DNAH12: variants seen among roughly 807,000 people sequenced by gnomAD.
DNAH12 encodes the protein dynein axonemal heavy chain 12, also known as axonemal beta dynein heavy chain 12.
In DNAH12, 285 loss-of-function variants were observed where a neutral mutation model predicts 371.5. The observed-to-expected ratio is 0.77, with a 90% confidence interval of 0.70 to 0.85. The LOEUF (loss-of-function observed/expected upper bound fraction) is 0.85, where lower values mean the gene tolerates loss of function less well. DNAH12 is among the 40% of genes least tolerant of loss of function. The pLI is 0.00. For synonymous variants in DNAH12, 1,200 were observed against 1,213.0 expected (o/e 0.99, Z 0.22); for missense variants, 3,611 against 3,689.4 (o/e 0.98, Z 0.55).
Position 57,508,372 on chromosome 3 carries a change from G to A in DNAH12, c.701+10C>T, listed in dbSNP as rs761918484. The A allele has an allele frequency of 3.2e-5, 50 of 1,573,934 alleles. No individual in the cohort carries two copies. Among genetic ancestry groups the A allele is most frequent in the South Asian group, 1.4e-4 (12 of 84,150 alleles). On this transcript the variant is annotated intron_variant, in intron 7 of 73. Transcript: ENST00000495027. ...GAGACATTCAAATTTTAAATTAAAC[G>A]GGATTTTACCTAATTCCTGTGAAGT...
intron 32 of DNAH12, among the ~76,000 whole-genome samples, chr3:57,433,013 C>G (rs912285291): frequency 1.3e-5 from 2 of 152,072 alleles, no homozygotes; most frequent in African/African-American, 4.8e-5. Flanking sequence ...CTGAAGCATT[C>G]CATGTTTTCA....
intron 70 of DNAH12, among the ~76,000 whole-genome samples, chr3:57,299,998 T>C (rs2061313548): frequency 6.6e-6 from 1 of 152,128 alleles, no homozygotes; most frequent in Admixed American, 6.5e-5. Flanking sequence ...GACAATCCAC[T>C]AGCACATCTT....
At chr3:57,327,309 G>A (rs952751731) in intron 62 of DNAH12, among the ~76,000 whole-genome samples, 4 of 151,516 alleles carry the variant, frequency 2.6e-5, no homozygotes, top group Non-Finnish European at 4.4e-5. Flanking sequence ...ATAGTTGGAA[G>A]TAAAGCTCTC....
intron 22 of DNAH12, among the ~76,000 whole-genome samples, chr3:57,455,215 A>G (rs150683262): frequency 6.6e-6 from 1 of 152,108 alleles, no homozygotes; most frequent in African/African-American, 2.4e-5. Context: ...AGTTTTCTAT[A>G]TAGAATACCT....
At chr3:57,325,060 C>A (rs2061905713) in intron 62 of DNAH12, among the ~76,000 whole-genome samples, 1 of 152,242 alleles carries the variant, frequency 6.6e-6, no homozygotes, top group African/African-American at 2.4e-5. Flanking sequence ...GTAAACAAAG[C>A]AGCTGGAAAG....
At chr3:57,312,459 T>A (rs1197900127) in intron 66 of DNAH12, among the ~76,000 whole-genome samples, 1 of 152,242 alleles carries the variant, frequency 6.6e-6, no homozygotes, top group Non-Finnish European at 1.5e-5. Context: ...GTCTTTCCAC[T>A]TAGCCCCATC....
chr3:57,302,567 A>ATATATATATATTTTTTTTTTT (rs2061380979), intron 69 of DNAH12, among the ~76,000 whole-genome samples: 2 of 27,482 alleles, frequency 7.3e-5, no homozygotes, highest in African/African-American at 1.3e-4. Flanking sequence ...ATATATATGT[A>ATATATATATATTTTTTTTTTT]TTTTTTTTTT....
chr3:57,414,968 G>T (rs1380122193), intron 38 of DNAH12, among the ~76,000 whole-genome samples: 1 of 152,158 alleles, frequency 6.6e-6, no homozygotes, highest in Admixed American at 6.5e-5. Flanking sequence ...AGGGCAAAGG[G>T]TAGGATGCAC....
At chr3:57,309,554 G>GA (rs1466790329) in intron 68 of DNAH12, 112 bp downstream of exon 68, 1 of 1,087,336 alleles carries the variant, frequency 9.2e-7, no homozygotes, top group Non-Finnish European at 1.2e-6. Context: ...AATGCTTAGA[G>GA]AGGCAAAGTT....
At chr3:57,551,123 C>T in the DNAH12 span, among the ~76,000 whole-genome samples, 2 of 151,910 alleles carry the variant, frequency 1.3e-5, no homozygotes, top group South Asian at 4.1e-4. Flanking sequence ...GCCTCAGTCT[C>T]CCAAAGTGCT....
intron 2 of DNAH12, among the ~76,000 whole-genome samples, chr3:57,540,872 G>A (rs895198005): frequency 1.3e-5 from 2 of 151,912 alleles, no homozygotes; most frequent in Non-Finnish European, 2.9e-5. Context: ...TGAGGCTCCA[G>A]TGAGCTGAGA....
intron 52 of DNAH12, among the ~76,000 whole-genome samples, chr3:57,377,531 G>A (rs1215448874): frequency 2.0e-5 from 3 of 151,672 alleles, no homozygotes; most frequent in Non-Finnish European, 4.4e-5. Context: ...CTTAACTGTT[G>A]TCAAATAACA....
At chr3:57,520,242 G>A (rs568885741) in intron 4 of DNAH12, among the ~76,000 whole-genome samples, 37 of 151,950 alleles carry the variant, frequency 2.4e-4, no homozygotes, top group African/African-American at 8.7e-4. Context: ...ACCCCTAGTA[G>A]CTGAGATTAC....
chr3:57,478,391 A>G, intron 13 of DNAH12, among the ~76,000 whole-genome samples: 1 of 152,348 alleles, frequency 6.6e-6, no homozygotes, highest in African/African-American at 2.4e-5. Flanking sequence ...ATAAAAAGAA[A>G]TAAACAAAGT....
intron 4 of DNAH12, among the ~76,000 whole-genome samples, chr3:57,518,024 A>C (rs1434085859): frequency 6.6e-6 from 1 of 152,186 alleles, no homozygotes; most frequent in African/African-American, 2.4e-5. Flanking sequence ...CCTGCACACC[A>C]GCCTGGGTGA....
At position 57,425,101 on chromosome 3, in the gene DNAH12, A is replaced by C. The variant is rs1412209978; in HGVS notation, c.5294T>G (p.Leu1765Arg). The C allele has an allele frequency of 4.3e-6, 3 of 702,724 alleles. No homozygotes were observed. Among genetic ancestry groups the C allele is most frequent in the Non-Finnish European group, 7.8e-6 (3 of 384,926 alleles). 43.5% of individuals were successfully genotyped at this position (702,724 alleles called of 1,614,324 possible). ...PTSNSNVVVSLTRLFEVLLCN... is the reference protein window; with the variant it reads ...PTSNSNVVVSRTRLFEVLLCN... The stretch of plus-strand genomic sequence containing the variant: ...AAGTAGCACTTCAAAGAGGCGTGTG[A>C]GAGATACAACCACGTTGCTGTTGCT... The change falls in exon 35 of 74, where the codon CTC (leucine) becomes CGC (arginine). Residue 1765 changes from leucine to arginine, a missense_variant. Leu to Arg is a moderately radical substitution (Grantham distance 102). Transcript: ENST00000495027.
intron 58 of DNAH12, among the ~76,000 whole-genome samples, chr3:57,359,084 G>A (rs976904272): frequency 0.024 from 3,608 of 152,134 alleles, 66 homozygotes; most frequent in Admixed American, 0.035. Context: ...GCACCCGGCC[G>A]TAATTTTTAA....
chr3:57,404,268 A>ACCAAC (rs1553680199), intron 42 of DNAH12, among the ~76,000 whole-genome samples: 138 of 152,328 alleles, frequency 9.1e-4, no homozygotes, highest in African/African-American at 3.3e-3. Context: ...ATAGTGGTAA[A>ACCAAC]TATTCATTTT....
intron 13 of DNAH12, among the ~76,000 whole-genome samples, chr3:57,482,412 T>G (rs1477068498): frequency 6.6e-6 from 1 of 151,528 alleles, no homozygotes; most frequent in African/African-American, 2.4e-5. Flanking sequence ...CATTAAAAAG[T>G]CAGGAAACAA....
Sources: allele counts gnomAD v4.1 joint callset (sites outside exome capture counted in the v4.1 genomes callset), GRCh38; gene constraint gnomAD v4.1.1; transcripts MANE v1.5; gene names NCBI Gene and HGNC (gene_info 2026-07-23, HGNC 2026-07-21).